KLHL32: variants seen among roughly 807,000 people sequenced by gnomAD.
KLHL32 encodes kelch-like protein 32.
A neutral mutation model predicts 64.8 loss-of-function variants in KLHL32; 35 were observed. That is an observed-to-expected ratio of 0.54 (90% CI 0.41 to 0.72). The LOEUF (loss-of-function observed/expected upper bound fraction) is 0.72, where lower values mean the gene tolerates loss of function less well. Among genes scored for constraint, KLHL32 ranks in the 30% least tolerant of loss-of-function variants. The pLI is 0.00. For missense variants in KLHL32, 589 were observed against 768.5 expected, an observed-to-expected ratio of 0.77 and a Z score of 2.76; for synonymous variants, 259 against 281.0, an observed-to-expected ratio of 0.92 and a Z score of 0.78.
chr6:96,922,655 G>T (rs1768786336), upstream of KLHL32, among the ~76,000 whole-genome samples: 1 of 152,052 alleles, frequency 6.6e-6, no homozygotes, highest in African/African-American at 2.4e-5. Context: ...CAAATAATAA[G>T]TATTCCAAAA....
chr6:97,023,182 A>G (rs748088798), intron 3 of KLHL32, among the ~76,000 whole-genome samples: 3 of 152,108 alleles, frequency 2.0e-5, no homozygotes, highest in African/African-American at 4.8e-5. Flanking sequence ...CTATATTCAT[A>G]TATTACTAAA....
intron 2 of KLHL32, among the ~76,000 whole-genome samples, chr6:96,967,322 T>G (rs1465010705): frequency 1.3e-5 from 2 of 152,214 alleles, no homozygotes; most frequent in Non-Finnish European, 2.9e-5. Context: ...TAATCTTTTT[T>G]TCTTATTTAG....
At chr6:97,132,904 T>A (rs1799599277) in intron 10 of KLHL32, among the ~76,000 whole-genome samples, 157 bp downstream of exon 10, 1 of 152,116 alleles carries the variant, frequency 6.6e-6, no homozygotes, top group African/African-American at 2.4e-5. Flanking sequence ...TCATCCTGTA[T>A]CCTAAAAATG....
At chr6:96,996,473 G>A (rs1249193509) in intron 3 of KLHL32, among the ~76,000 whole-genome samples, 1 of 152,062 alleles carries the variant, frequency 6.6e-6, no homozygotes, top group Non-Finnish European at 1.5e-5. Context: ...GACTATAAAT[G>A]AGTATAATAT....
At chr6:96,995,740 A>G (rs972010924) in intron 3 of KLHL32, among the ~76,000 whole-genome samples, 1 of 152,194 alleles carries the variant, frequency 6.6e-6, no homozygotes, top group African/African-American at 2.4e-5. Context: ...CTCACAACCA[A>G]CAAATATGAT....
intron 6 of KLHL32, among the ~76,000 whole-genome samples, chr6:97,113,303 C>G (rs1484591427): frequency 6.6e-6 from 1 of 152,006 alleles, no homozygotes; most frequent in Non-Finnish European, 1.5e-5. Context: ...TCAAGTACAC[C>G]CTGTGGTCTC....
At chr6:96,951,859 C>G (rs909289441) in intron 1 of KLHL32, among the ~76,000 whole-genome samples, 1 of 152,108 alleles carries the variant, frequency 6.6e-6, no homozygotes, top group African/African-American at 2.4e-5. Flanking sequence ...TTAGCTGTTT[C>G]TTTAGATAGC....
chr6:96,900,275 A>T, the KLHL32 span, among the ~76,000 whole-genome samples: 3 of 152,346 alleles, frequency 2.0e-5, no homozygotes, highest in East Asian at 5.8e-4. Context: ...CCCAGCTCAG[A>T]ATCTGATGTT....
At chr6:97,072,083 C>G (rs1790832396) in intron 5 of KLHL32, among the ~76,000 whole-genome samples, 1 of 152,162 alleles carries the variant, frequency 6.6e-6, no homozygotes, top group South Asian at 2.1e-4. Flanking sequence ...TTGGGTATTT[C>G]TCAGGCACAT....
At chr6:96,960,859 T>G (rs2128025115) in intron 1 of KLHL32, among the ~76,000 whole-genome samples, 1 of 152,266 alleles carries the variant, frequency 6.6e-6, no homozygotes, top group Non-Finnish European at 1.5e-5. Context: ...GGCATTTGGT[T>G]GAAAGAGTTT....
intron 1 of KLHL32, among the ~76,000 whole-genome samples, chr6:96,951,087 T>A (rs1772519410): frequency 6.6e-6 from 1 of 152,170 alleles, no homozygotes; most frequent in Non-Finnish European, 1.5e-5. Context: ...ATAAAGTGGT[T>A]AAATAGAAAT....
intron 7 of KLHL32, among the ~76,000 whole-genome samples, chr6:97,123,615 A>G (rs1229406051): frequency 6.6e-6 from 1 of 152,190 alleles, no homozygotes; most frequent in Admixed American, 6.5e-5. Context: ...ACTTGGTTTT[A>G]AAAATGGATG....
chr6:96,905,120 A>G, the KLHL32 span, among the ~76,000 whole-genome samples: 10 of 152,172 alleles, frequency 6.6e-5, no homozygotes, highest in Non-Finnish European at 1.3e-4. Context: ...AATTTAATCA[A>G]TACAACAGTT....
At chr6:97,045,407 T>C (rs955702629) in intron 4 of KLHL32, among the ~76,000 whole-genome samples, 4 of 152,220 alleles carry the variant, frequency 2.6e-5, no homozygotes, top group African/African-American at 9.6e-5. Flanking sequence ...GTCACATCTG[T>C]ATTTGCCCAT....
chr6:96,997,549 A>T (rs1367888824), intron 3 of KLHL32, among the ~76,000 whole-genome samples: 2 of 152,000 alleles, frequency 1.3e-5, no homozygotes, highest in Admixed American at 1.3e-4. Flanking sequence ...GGAGTTTGAG[A>T]CCAGCTTGGA....
chr6:97,040,556 G>A (rs746389902), intron 3 of KLHL32, among the ~76,000 whole-genome samples: 3 of 152,154 alleles, frequency 2.0e-5, no homozygotes, highest in African/African-American at 7.2e-5. Flanking sequence ...CAGTAAATCT[G>A]CATTGGGGCC....
In KLHL32 at chr6:96,931,177, C is replaced by T. The variant is rs140940489; in HGVS notation, c.-66+6151C>T. On this transcript the variant is annotated intron_variant, in intron 1 of 10. Coordinates refer to ENST00000369261, the MANE Select transcript of KLHL32 (RefSeq NM_052904.4). The stretch of plus-strand genomic sequence containing the variant: ...AAGTCAGATAGGATTAAAATCTTCC[C>T]GAACAGAATACTTTCTAGTTAAATC... 3.6e-3 allele frequency among the ~76,000 whole-genome samples: 546 copies of T among 152,262 alleles called. 2 individuals are homozygous for T. Among genetic ancestry groups the T allele is most frequent in the African/African-American group, 7.8e-3 (323 of 41,546 alleles).
chr6:96,971,814 T>A (rs540368856), intron 2 of KLHL32, among the ~76,000 whole-genome samples: 1 of 152,300 alleles, frequency 6.6e-6, no homozygotes, highest in South Asian at 2.1e-4. Flanking sequence ...ATCTATAATT[T>A]AAAATTTCAG....
chr6:97,002,438 T>C (rs953912694), intron 3 of KLHL32, among the ~76,000 whole-genome samples: 1 of 152,252 alleles, frequency 6.6e-6, no homozygotes, highest in African/African-American at 2.4e-5. Flanking sequence ...CAAATATTTT[T>C]CAAACTCTAT....
Sources: gnomAD v4.1 joint callset for allele counts (sites outside exome capture counted in the v4.1 genomes callset) on GRCh38, gnomAD v4.1.1 for gene constraint, MANE v1.5 for transcripts, NCBI Gene and HGNC (gene_info 2026-07-23, HGNC 2026-07-21) for gene names.